Variants in ULK4 observed in about 807,000 individuals in gnomAD.
ULK4 encodes the protein inactive serine/threonine-protein kinase ULK4.
In ULK4, 133 loss-of-function variants were observed where a neutral mutation model predicts 160.6. That is an observed-to-expected ratio of 0.83 (90% CI 0.72 to 0.96). The LOEUF (loss-of-function observed/expected upper bound fraction) is 0.96. Among genes scored for constraint, ULK4 ranks in the 40% least tolerant of loss-of-function variants. The probability of loss-of-function intolerance (pLI) is 0.00; values close to 1 mark genes in which losing one functional copy is unlikely to be tolerated. For missense variants in ULK4, 1,580 were observed against 1,499.5 expected (o/e 1.05, Z -0.89); for synonymous variants, 534 against 539.8 (o/e 0.99, Z 0.15).
chr3:41,466,859 A>T (rs2083848042), intron 32 of ULK4, among the ~76,000 whole-genome samples: 1 of 152,182 alleles, frequency 6.6e-6, no homozygotes, highest in African/African-American at 2.4e-5. Flanking sequence ...ACTCGATAAT[A>T]AAAGTACAAA....
intron 16 of ULK4, among the ~76,000 whole-genome samples, chr3:41,887,181 A>C (rs1697755903): frequency 6.6e-6 from 1 of 152,226 alleles, no homozygotes; most frequent in Admixed American, 6.5e-5. Context: ...CGAGGGAGAC[A>C]GTACCCTGGG....
chr3:41,661,499 AGATAGATAGAT>A (rs149864530), intron 30 of ULK4, among the ~76,000 whole-genome samples: 10,315 of 145,040 alleles, frequency 0.071, 1,153 homozygotes, highest in African/African-American at 0.28. Context: ...ATAGACAGAT[AGATAGATAGAT>A]GATAGATAGA....
intron 17 of ULK4, chr3:41,882,419 G>C: frequency 1.6e-6 from 1 of 630,580 alleles, no homozygotes; most frequent in Non-Finnish European, 2.8e-6. Flanking sequence ...TCTCAATTCA[G>C]ACTAGCTTTT....
intron 32 of ULK4, among the ~76,000 whole-genome samples, chr3:41,483,855 G>A (rs772081472): frequency 5.3e-5 from 8 of 152,164 alleles, no homozygotes; most frequent in African/African-American, 1.7e-4. Flanking sequence ...ACTACAAGAC[G>A]TATGACAGAA....
intron 35 of ULK4, among the ~76,000 whole-genome samples, chr3:41,349,196 T>C (rs1368337590): frequency 1.3e-5 from 2 of 152,188 alleles, no homozygotes; most frequent in African/African-American, 4.8e-5. Flanking sequence ...CCATTCCCTA[T>C]TTATCATTCA....
intron 35 of ULK4, among the ~76,000 whole-genome samples, chr3:41,346,126 G>A (rs1432972682): frequency 6.6e-6 from 1 of 152,136 alleles, no homozygotes; most frequent in African/African-American, 2.4e-5. Flanking sequence ...AAGACTCCCG[G>A]CTTCATCTGA....
chr3:41,644,037 G>C (rs571177170), intron 30 of ULK4, among the ~76,000 whole-genome samples: 1 of 152,252 alleles, frequency 6.6e-6, no homozygotes, highest in Non-Finnish European at 1.5e-5. Flanking sequence ...GTTGTATATT[G>C]ATTTTGTATC....
intron 34 of ULK4, among the ~76,000 whole-genome samples, chr3:41,402,301 A>C (rs2082198105): frequency 6.6e-6 from 1 of 152,176 alleles, no homozygotes; most frequent in African/African-American, 2.4e-5. Context: ...TCACCTGTAA[A>C]TACAGATAGG....
chr3:41,395,466 C>T (rs1383729103), intron 35 of ULK4, among the ~76,000 whole-genome samples: 4 of 152,100 alleles, frequency 2.6e-5, no homozygotes, highest in African/African-American at 7.2e-5. Context: ...AATTCTAGCA[C>T]GTGCTACATC....
chr3:41,681,329 A>AGTCTTCTGC (rs1270874389), intron 29 of ULK4, among the ~76,000 whole-genome samples, 179 bp downstream of exon 29: 1 of 152,218 alleles, frequency 6.6e-6, no homozygotes, highest in Non-Finnish European at 1.5e-5. Flanking sequence ...AGACCTTCTG[A>AGTCTTCTGC]GTCTTCTGCA....
At chr3:41,624,222 A>T (rs6808297) in intron 30 of ULK4, among the ~76,000 whole-genome samples, 1 of 152,078 alleles carries the variant, frequency 6.6e-6, no homozygotes, top group Non-Finnish European at 1.5e-5. Flanking sequence ...CAGTTTCCTT[A>T]AATTTGTCTT....
Position 41,482,230 on chromosome 3 carries a change from G to A in ULK4, c.3227-18977C>T, listed in dbSNP as rs558476846. Among the ~76,000 whole-genome samples the A allele has an allele frequency of 6.6e-5, 10 of 152,294 alleles. No homozygotes were observed. The South Asian group carries it at 1.7e-3, about 25-fold the overall frequency. On this transcript the variant is annotated intron_variant, in intron 32 of 36. Coordinates refer to ENST00000301831, the MANE Select transcript of ULK4 (RefSeq NM_017886.4). ...TTACTGTGCAGCAGCCAGTCTGCAC[G>A]AGGGCACTGGCTCCCAGGCCACAGC...
chr3:41,909,510 G>A (rs900556443), intron 11 of ULK4, among the ~76,000 whole-genome samples: 2 of 151,906 alleles, frequency 1.3e-5, no homozygotes, highest in African/African-American at 2.4e-5. Flanking sequence ...TCAGGAGTTC[G>A]AGGCCAGCTG....
At chr3:41,305,956 C>A (rs2079911891) in intron 35 of ULK4, among the ~76,000 whole-genome samples, 2 of 148,738 alleles carry the variant, frequency 1.3e-5, no homozygotes, top group Non-Finnish European at 3.0e-5. Context: ...GCCGCCCCGT[C>A]TGAGAAGTGA....
chr3:41,249,722 C>A (rs1464474157), intron 35 of ULK4, 148 bp from the exon 36 acceptor site: 1 of 725,134 alleles, frequency 1.4e-6, no homozygotes, highest in African/African-American at 1.8e-5. Context: ...CTGTAACCCC[C>A]ATGCGTAACC....
intron 34 of ULK4, among the ~76,000 whole-genome samples, chr3:41,450,463 A>G (rs926411512): frequency 6.6e-6 from 1 of 152,210 alleles, no homozygotes; most frequent in Non-Finnish European, 1.5e-5. Flanking sequence ...TATATTATAA[A>G]TATAGGTCAT....
At chr3:41,362,711 A>G (rs565025461) in intron 35 of ULK4, among the ~76,000 whole-genome samples, 5 of 152,336 alleles carry the variant, frequency 3.3e-5, no homozygotes, top group South Asian at 2.1e-4. Flanking sequence ...CACTCAATAC[A>G]TGGGTAGATT....
intron 35 of ULK4, among the ~76,000 whole-genome samples, chr3:41,291,405 ATAAC>A (rs1371270025): frequency 8.0e-6 from 1 of 125,426 alleles, no homozygotes; most frequent in Non-Finnish European, 1.7e-5. Flanking sequence ...AAGAAAAAGA[ATAAC>A]GAAAGAAGGA....
chr3:41,453,443 C>G (rs1033576205), intron 34 of ULK4, among the ~76,000 whole-genome samples: 17 of 152,272 alleles, frequency 1.1e-4, no homozygotes, highest in African/African-American at 3.4e-4. Context: ...ACCCAAAGTG[C>G]CAGTATTACA....
Sources: allele counts gnomAD v4.1 joint callset (sites outside exome capture counted in the v4.1 genomes callset), GRCh38; gene constraint gnomAD v4.1.1; transcripts MANE v1.5; gene names NCBI Gene and HGNC (gene_info 2026-07-23, HGNC 2026-07-21).